SOBP: variants seen among roughly 807,000 people sequenced by gnomAD.
SOBP encodes sine oculis binding protein homolog.
Under a neutral mutation model 53.6 loss-of-function variants are expected in SOBP, and 4 were observed. The observed-to-expected ratio is 0.07, with a 90% CI of 0.04 to 0.17. The LOEUF (loss-of-function observed/expected upper bound fraction) is 0.17. Ranked by LOEUF, SOBP falls within the 10% of genes least tolerant of loss-of-function variation. The pLI is 1.00. For missense variants in SOBP, 1,088 were observed against 1,204.7 expected (o/e 0.90, Z 1.43); for synonymous variants, 584 against 522.6 (o/e 1.12, Z -1.60).
chr6:107,510,656 AT>A (rs1178943476), intron 3 of SOBP: 2 of 152,226 alleles, frequency 1.3e-5, no homozygotes, highest in Non-Finnish European at 2.9e-5. Context: ...CATCTAGTGA[AT>A]CATTTTAACT....
rs564104144 is a variant in SOBP at position 107,571,739 on chromosome 6, A to G, written c.574-15341A>G. ...CATTTTTCATTTTAACCTCGAAACA[A>G]GACATATTATAGCTACTGCCTTGTC... On this transcript the variant is annotated intron_variant, in intron 4 of 6. Coordinates refer to ENST00000317357, the MANE Select transcript of SOBP (RefSeq NM_018013.4). Among the ~76,000 whole-genome samples the G allele has an allele frequency of 5.9e-5, 9 of 152,328 alleles. 1 individual carries two copies. The South Asian group carries it at 1.9e-3, about 32-fold the overall frequency.
intron 5 of SOBP, among the ~76,000 whole-genome samples, chr6:107,612,801 A>G (rs954151982): frequency 5.9e-4 from 90 of 152,236 alleles, no homozygotes; most frequent in African/African-American, 2.1e-3. Context: ...TTCTGTCTCT[A>G]TGAATTTGTC....
chr6:107,490,842 GCTC>G, intron 1 of SOBP, 130 bp downstream of exon 1: 1 of 706,810 alleles, frequency 1.4e-6, no homozygotes, highest in Non-Finnish European at 2.5e-6. Flanking sequence ...GAACGGCTCC[GCTC>G]CTCCTCCAGG....
At chr6:107,630,926 A>G (rs1770690220) in intron 5 of SOBP, among the ~76,000 whole-genome samples, 1 of 152,200 alleles carries the variant, frequency 6.6e-6, no homozygotes, top group Non-Finnish European at 1.5e-5. Flanking sequence ...TCTAACTTTG[A>G]TGTCTGTAAT....
intron 4 of SOBP, among the ~76,000 whole-genome samples, chr6:107,581,764 A>G (rs565802531): frequency 6.6e-6 from 1 of 152,164 alleles, no homozygotes; most frequent in South Asian, 2.1e-4. Flanking sequence ...AATAAACTCT[A>G]TTATTTCTGG....
chr6:107,566,144 C>G (rs1784910830), intron 4 of SOBP, among the ~76,000 whole-genome samples: 1 of 152,212 alleles, frequency 6.6e-6, no homozygotes. Flanking sequence ...GAACAGATAG[C>G]ATTGTCTAAT....
intron 3 of SOBP, among the ~76,000 whole-genome samples, chr6:107,520,559 A>C (rs1783453433): frequency 1.3e-5 from 2 of 152,132 alleles, no homozygotes. Flanking sequence ...CTCTTTTTGG[A>C]GTTATGACGT....
At chr6:107,622,931 A>G (rs894677736) in intron 5 of SOBP, among the ~76,000 whole-genome samples, 17 of 152,190 alleles carry the variant, frequency 1.1e-4, no homozygotes, top group African/African-American at 4.1e-4. Flanking sequence ...CAGAGCAGTT[A>G]ATAATTCCCC....
intron 6 of SOBP, among the ~76,000 whole-genome samples, chr6:107,657,184 A>C (rs1344598753): frequency 6.6e-6 from 1 of 152,192 alleles, no homozygotes; most frequent in East Asian, 1.9e-4. Flanking sequence ...CCCAGAACTG[A>C]CTGAGTGGCC....
chr6:107,602,085 GCT>G (rs952045068), intron 5 of SOBP, among the ~76,000 whole-genome samples: 7 of 152,144 alleles, frequency 4.6e-5, no homozygotes, highest in African/African-American at 1.7e-4. Context: ...TATACTCATT[GCT>G]CTCTCTCCTT....
intron 5 of SOBP, among the ~76,000 whole-genome samples, chr6:107,626,001 C>T (rs977073982): frequency 2.3e-4 from 35 of 151,864 alleles, no homozygotes; most frequent in African/African-American, 7.5e-4. Flanking sequence ...CTTATAGTCA[C>T]AAATAATGAA....
At chr6:107,568,555 A>G (rs1484501774) in intron 4 of SOBP, among the ~76,000 whole-genome samples, 2 of 152,166 alleles carry the variant, frequency 1.3e-5, no homozygotes, top group Non-Finnish European at 2.9e-5. Context: ...CAACACACAC[A>G]TCAGCATTAT....
chr6:107,526,465 G>T (rs1353771951), intron 3 of SOBP, among the ~76,000 whole-genome samples: 1 of 152,016 alleles, frequency 6.6e-6, no homozygotes, highest in Admixed American at 6.6e-5. Flanking sequence ...CCACTCTCTG[G>T]CTCCTGCAGT....
rs1772149454 is a variant in SOBP, at chr6:107,658,217, T to G, written c.*14T>G. On this transcript the variant is annotated 3_prime_UTR_variant, in exon 7 of 7. Coordinates refer to ENST00000317357, the MANE Select transcript of SOBP (RefSeq NM_018013.4). ...CTGCTCTTTTTCCAGGAACGTTCAC[T>G]CACAGGGTACGCTCATGGAGAGAGG... 6.5e-6 allele frequency: 1 copy of G among 152,734 alleles called. No individual in the cohort carries two copies. The highest frequency in any genetic ancestry group is 2.4e-5 in the African/African-American group (1 of 41,444). 9.5% of individuals were successfully genotyped at this position (152,734 alleles called of 1,614,324 possible).
Position 107,633,545 on chromosome 6 carries a change from C to T in SOBP, c.701C>T (p.Thr234Ile), listed in dbSNP as rs1215243518. Residue 234 changes from threonine (T) to isoleucine (I), a missense_variant, in exon 6 of 7, where the codon ACA (threonine) becomes ATA (isoleucine). Around this residue, in one of 6 missense-constraint regions of SOBP, gnomAD observed 55 missense variants for 134.3 expected, o/e 0.41. Transcript: ENST00000317357. ...GACTGGTGTAAGCACATAAGACACA[C>T]AAAAGAATACCTGGATTTTGGGGAC... ...VCDWCKHIRH[T>I]KEYLDFGDGE... is the part of the protein sequence containing the mutation. The T allele has an allele frequency of 6.2e-7, 1 of 1,614,206 alleles. No individual in the cohort carries two copies. The highest frequency in any genetic ancestry group is 1.1e-5 in the South Asian group (1 of 91,078).
chr6:107,650,175 T>C (rs1241973801), intron 6 of SOBP, among the ~76,000 whole-genome samples: 1 of 152,216 alleles, frequency 6.6e-6, no homozygotes, highest in East Asian at 1.9e-4. Flanking sequence ...TTTATTTTAT[T>C]TTTAGTACTC....
intron 2 of SOBP, 69 bp downstream of exon 2, chr6:107,503,864 T>TCCCAA: frequency 3.2e-6 from 5 of 1,587,132 alleles, no homozygotes; most frequent in Non-Finnish European, 4.3e-6. Flanking sequence ...CAGAATTGAG[T>TCCCAA]TGCTTTGGGA....
At chr6:107,500,602 A>G (rs950655250) in intron 1 of SOBP, among the ~76,000 whole-genome samples, 9 of 151,642 alleles carry the variant, frequency 5.9e-5, no homozygotes, top group Non-Finnish European at 1.3e-4. Flanking sequence ...GCTCACTGCA[A>G]GCTCCGCCTC....
At chr6:107,521,774 C>G (rs917880154) in intron 3 of SOBP, among the ~76,000 whole-genome samples, 1 of 152,126 alleles carries the variant, frequency 6.6e-6, no homozygotes, top group South Asian at 2.1e-4. Context: ...ATCCAACACC[C>G]AAGGTGCACC....
Sources: allele counts gnomAD v4.1 joint callset (sites outside exome capture counted in the v4.1 genomes callset), GRCh38; gene constraint gnomAD v4.1.1; regional missense constraint gnomAD v4.1.1; transcripts MANE v1.5; gene names NCBI Gene and HGNC (gene_info 2026-07-23, HGNC 2026-07-21).